PKD1: variants seen among roughly 807,000 people sequenced by gnomAD.
PKD1 encodes the protein polycystin-1.
PKD1 carries 81 observed loss-of-function variants against 361.7 expected under a neutral mutation model. The ratio of observed to expected loss-of-function variants is 0.22; its 90% CI spans 0.19 to 0.27. The LOEUF is 0.27. Ranked by LOEUF, PKD1 falls within the 10% of genes least tolerant of loss-of-function variation. PKD1 has a pLI of 1.00. For missense variants in PKD1, 6,399 were observed against 6,118.3 expected, an observed-to-expected ratio of 1.05 and a Z score of -1.53; for synonymous variants, 3,615 against 2,818.3, an observed-to-expected ratio of 1.28 and a Z score of -8.95.
chr16:2,131,102 A>C (rs2092871369), intron 1 of PKD1, among the ~76,000 whole-genome samples: 1 of 152,236 alleles, frequency 6.6e-6, no homozygotes, highest in Non-Finnish European at 1.5e-5. Flanking sequence ...AGCACCACGG[A>C]GGTGACACCA....
In PKD1 at chr16:2,115,438, G is replaced by A. The variant is rs1008622066; in HGVS notation, c.2037C>T (p.Pro679=). 1.1e-5 allele frequency: 18 copies of A among 1,594,144 alleles called. No homozygotes were observed. Among genetic ancestry groups the A allele is most frequent in the East Asian group, 2.3e-5 (1 of 43,928 alleles). The part of the protein sequence containing the change: ...CTSGPGLPGA[P]YALWREFLFS... ...AGAGGAACTCTCTCCATAGCGCATA[G>A]GGGGCCCCGGGTAGCCCTGGCCCTG... Residue 679 remains proline, a synonymous_variant, in exon 10 of 46, where the codon CCC becomes CCT. Transcript: ENST00000262304.
Position 2,102,814 on chromosome 16 carries a change from C to G in PKD1, c.8948G>C (p.Gly2983Ala). 6.2e-7 allele frequency: 1 copy of G among 1,610,030 alleles called. No individual in the cohort carries two copies. Among genetic ancestry groups the G allele is most frequent in the Non-Finnish European group, 8.5e-7 (1 of 1,179,774 alleles). Reference protein sequence around the residue: ...HRPYTFFISPGSRDPAGSYHL... With the variant: ...HRPYTFFISPASRDPAGSYHL... The stretch of plus-strand genomic sequence containing the variant: ...TGCCAGGCTGGCCCGCAGAGCTCAC[C>G]CCGGGGAAATGAAGAAGGTGTAGGG... Residue 2983 changes from glycine (G) to alanine (A), a missense_variant and splice_region_variant, in exon 24 of 46, where the codon GGG (glycine) becomes GCG (alanine). By Grantham distance (60) the Gly-to-Ala change is moderately conservative. Transcript: ENST00000262304.
intron 1 of PKD1, among the ~76,000 whole-genome samples, chr16:2,125,087 T>C (rs1258187315): frequency 6.6e-6 from 1 of 152,230 alleles, no homozygotes; most frequent in African/African-American, 2.4e-5. Flanking sequence ...AGCCGAGCCA[T>C]GACCTCATCT....
intron 1 of PKD1, among the ~76,000 whole-genome samples, chr16:2,134,811 A>G (rs1050353378): frequency 2.7e-5 from 4 of 149,480 alleles, no homozygotes; most frequent in Non-Finnish European, 5.9e-5. Flanking sequence ...CCCGAAAGCG[A>G]ACATGACAAG....
intron 1 of PKD1, among the ~76,000 whole-genome samples, chr16:2,128,424 G>C (rs116353685): frequency 0.24 from 35,305 of 148,566 alleles, 5,526 homozygotes; most frequent in African/African-American, 0.43. Flanking sequence ...CAAGCACATC[G>C]CAGCCCGACT....
rs563231482 is a variant in PKD1, at chr16:2,095,907, A to C, written c.10499+1241T>G. Among the ~76,000 whole-genome samples, 201 of 150,462 alleles carry C rather than the reference A, an allele frequency of 1.3e-3. 1 individual carries two copies. Among genetic ancestry groups the C allele is most frequent in the African/African-American group, 4.7e-3 (193 of 40,640 alleles). On this transcript the variant is annotated intron_variant, in intron 34 of 45. Coordinates refer to ENST00000262304, the MANE Select transcript of PKD1 (RefSeq NM_001009944.3). ...GTAGTGACTACCCCTGGATTTCCCC[A>C]TACTCTGTATTTTTAAAACCAACCA...
Position 2,118,228 on chromosome 16 carries a change from G to A in PKD1, c.764C>T (p.Pro255Leu). 1 of 1,530,438 alleles carries A rather than the reference G, an allele frequency of 6.5e-7. No individual in the cohort carries two copies. The highest frequency in any genetic ancestry group is 8.8e-7 in the Non-Finnish European group (1 of 1,140,620). The allele number at this position is 1,530,438 out of a possible 1,614,324, so 94.8% of individuals were successfully genotyped here. The change falls in exon 5 of 46, where the codon CCT becomes CTT. Residue 255 changes from proline (P) to leucine (L), a missense_variant. Coordinates refer to ENST00000262304, the MANE Select transcript of PKD1 (RefSeq NM_001009944.3). This position sits in a 1 kb window ranked among gnomAD's most constrained non-coding sequence, Gnocchi z 6.0. ...LSLCSGPPPPPAPTCRGPTLL... is the reference protein window; with the variant it reads ...LSLCSGPPPPLAPTCRGPTLL... Reference sequence around the variant, plus strand: ...GGTGGGGCCCCTACAGGTGGGGGCAGGAGGTGGCGGGGGGCCGGAGCAGAG... The same window carrying A: ...GGTGGGGCCCCTACAGGTGGGGGCAAGAGGTGGCGGGGGGCCGGAGCAGAG...
At chr16:2,105,707 G>C (rs903623929) in intron 20 of PKD1, 158 bp downstream of exon 20, 2 of 1,285,420 alleles carry the variant, frequency 1.6e-6, no homozygotes, top group African/African-American at 1.5e-5. Flanking sequence ...GGTGGGTGTG[G>C]CTGCTGGGAG....
At position 2,089,677 on chromosome 16, in the gene PKD1, T is replaced by C. The variant is rs1477276969; in HGVS notation, c.*50A>G. 3.2e-6 allele frequency: 5 copies of C among 1,547,170 alleles called. No homozygotes were observed. In the East Asian group the frequency reaches 9.7e-5, roughly 30 times the overall value. On this transcript the variant is annotated 3_prime_UTR_variant, in exon 46 of 46. Coordinates refer to ENST00000262304, the MANE Select transcript of PKD1 (RefSeq NM_001009944.3). ...CCTTGACAGCGGCAGAAAGTAATAC[T>C]GAGCGGTGTCCACTCCGACTCCACG...
chr16:2,103,269 C>T lies in PKD1; in HGVS notation c.8788G>A (p.Asp2930Asn). The T allele has an allele frequency of 1.2e-6, 2 of 1,609,698 alleles. No homozygotes were observed. Among genetic ancestry groups the T allele is most frequent in the East Asian group, 2.2e-5 (1 of 44,872 alleles). The change falls in exon 23 of 46, where the codon GAC becomes AAC. Residue 2930 changes from aspartate (D) to asparagine (N), a missense_variant. Asp to Asn is a conservative substitution (Grantham distance 23, BLOSUM62 1). Transcript: ENST00000262304. ...LHLQLNYTLL[D>N]GHYLSEEPEP... ...GTGCCCCACCCGCTGCACGCACCGT[C>T]CAGCAGCGTATAGTTGAGCTGCAGA... is the stretch of plus-strand genomic sequence containing the variant.
Position 2,135,738 on chromosome 16 carries a change from C to T in PKD1, c.-49G>A, listed in dbSNP as rs2092942745. ...CCCGCCGTCCCCAGGCCCGCCCGCGCGCGGAGGCCGCAGCTCAGGCGGGGC... is the reference window on the plus strand; with the variant it reads ...CCCGCCGTCCCCAGGCCCGCCCGCGTGCGGAGGCCGCAGCTCAGGCGGGGC... On this transcript the variant is annotated 5_prime_UTR_variant, in exon 1 of 46. Transcript: ENST00000262304. 8 of 964,888 alleles carry T rather than the reference C, an allele frequency of 8.3e-6. No individual in the cohort carries two copies. The highest frequency in any genetic ancestry group is 8.6e-6 in the Non-Finnish European group (7 of 814,386). The allele number at this position is 964,888 out of a possible 1,614,324, so 59.8% of individuals were successfully genotyped here.
chr16:2,090,328 A>C lies in PKD1; in HGVS notation c.12401T>G (p.Leu4134Arg), dbSNP rs1415301953. 1 of 1,612,060 alleles carries C rather than the reference A, an allele frequency of 6.2e-7. No individual in the cohort carries two copies. The highest frequency in any genetic ancestry group is 8.5e-7 in the Non-Finnish European group (1 of 1,179,632). Reference sequence around the variant, plus strand: ...GCCCATCCAGAGGCGCAGCCTGCGCAGGAACAACTCCACCATCTCGTAGTC... The same window carrying C: ...GCCCATCCAGAGGCGCAGCCTGCGCCGGAACAACTCCACCATCTCGTAGTC... ...PQDYEMVELF[L>R]RRLRLWMGLS... The change falls in exon 45 of 46, where the codon CTG (leucine) becomes CGG (arginine). Residue 4134 changes from leucine (L) to arginine (R), a missense_variant. By Grantham distance (102) the Leu-to-Arg change is moderately radical. Coordinates refer to ENST00000262304, the MANE Select transcript of PKD1 (RefSeq NM_001009944.3).
intron 34 of PKD1, 164 bp downstream of exon 34, chr16:2,096,984 G>T (rs987038763): frequency 3.1e-6 from 2 of 635,466 alleles, no homozygotes; most frequent in Non-Finnish European, 5.7e-6. Context: ...ATCCCATGAG[G>T]CTCTTTCCAC....
rs767720073 is a variant in PKD1 at position 2,109,870 on chromosome 16, A to C, written c.5297T>G (p.Phe1766Cys). 4.3e-6 allele frequency: 7 copies of C among 1,610,480 alleles called. No individual in the cohort carries two copies. Among genetic ancestry groups the C allele is most frequent in the East Asian group, 4.5e-5 (2 of 44,882 alleles). ...EGLSWETSEP[F>C]TTHSFPTPGL... ...GGGTGTGGGGAAGCTATGGGTGGTA[A>C]ATGGCTCGGAGGTCTCCCAGCTCAG... Residue 1766 changes from phenylalanine to cysteine, a missense_variant, in exon 15 of 46, where the codon TTT becomes TGT. Phe to Cys is a radical substitution (Grantham distance 205). Transcript: ENST00000262304.
In PKD1 at chr16:2,108,918, G is replaced by A; in HGVS notation, c.6249C>T (p.Thr2083=). 2 of 1,592,036 alleles carry A rather than the reference G, an allele frequency of 1.3e-6. No individual in the cohort carries two copies. The highest frequency in any genetic ancestry group is 8.5e-7 in the Non-Finnish European group (1 of 1,171,050). Residue 2083 remains threonine (T), a synonymous_variant, in exon 15 of 46, where the codon ACC becomes ACT. Transcript: ENST00000262304. The part of the protein sequence containing the change: ...TNRSAQFEAA[T]SPSPRRVAYH... ...AGGCCACACGCCGGGGGCTGGGGCT[G>A]GTGGCGGCCTCAAACTGCGCCGAGC...
At position 2,115,957 on chromosome 16, in the gene PKD1, G is replaced by A. The variant is rs545877094; in HGVS notation, c.1849+35C>T. 71 of 1,507,070 alleles carry A rather than the reference G, an allele frequency of 4.7e-5. No homozygotes were observed. In the East Asian group the frequency reaches 9.2e-4, roughly 19 times the overall value. The allele number at this position is 1,507,070 out of a possible 1,614,324, so 93.4% of individuals were successfully genotyped here. On this transcript the variant is annotated intron_variant, in intron 9 of 45. Coordinates refer to ENST00000262304, the MANE Select transcript of PKD1 (RefSeq NM_001009944.3). ...GAGAGGCCACCCCGAGTCCTGCGGC[G>A]CCCACCACCCACCACCCACCACCCA... is the stretch of plus-strand genomic sequence containing the variant.
chr16:2,093,475 G>T, intron 37 of PKD1, 69 bp downstream of exon 37: 2 of 1,403,540 alleles, frequency 1.4e-6, no homozygotes, highest in Non-Finnish European at 9.8e-7. Context: ...GGAGTGTCCT[G>T]CGTGCATGGG....
chr16:2,113,393 G>C lies in PKD1; in HGVS notation c.2854-101C>G, dbSNP rs546857829. 57 of 1,165,782 alleles carry C rather than the reference G, an allele frequency of 4.9e-5. No individual in the cohort carries two copies. The African/African-American group carries it at 7.8e-4, about 16-fold the overall frequency. The allele number at this position is 1,165,782 out of a possible 1,614,324, so 72.2% of individuals were successfully genotyped here. The stretch of plus-strand genomic sequence containing the variant: ...CCGTCGGGCTGGAGAGTCCCACGCG[G>C]GGCACAGAGGAGAGGAGGTGCCCGG... On this transcript the variant is annotated intron_variant, in intron 11 of 45. Coordinates refer to ENST00000262304, the MANE Select transcript of PKD1 (RefSeq NM_001009944.3).
intron 1 of PKD1, among the ~76,000 whole-genome samples, chr16:2,122,362 AG>A (rs2151833415): frequency 6.6e-6 from 1 of 152,214 alleles, no homozygotes; most frequent in Admixed American, 6.5e-5. Flanking sequence ...GGGAGGGGAG[AG>A]GATCTGGGGG....
Sources: allele counts gnomAD v4.1 joint callset (sites outside exome capture counted in the v4.1 genomes callset), GRCh38; gene constraint gnomAD v4.1.1; non-coding constraint Gnocchi (gnomAD v3.1); transcripts MANE v1.5; gene names NCBI Gene and HGNC (gene_info 2026-07-23, HGNC 2026-07-21).